Variants in ASIC1 observed in about 807,000 individuals in gnomAD.
ASIC1 encodes acid sensing ion channel subunit 1.
ASIC1 carries 21 observed loss-of-function variants against 63.4 expected under a neutral mutation model. That is an observed-to-expected ratio of 0.33 (90% CI 0.23 to 0.48). ASIC1 has a LOEUF of 0.48. Among genes scored for constraint, ASIC1 ranks in the 20% least tolerant of loss-of-function variants. ASIC1 has a pLI of 0.99. For synonymous variants in ASIC1, 258 were observed against 278.2 expected, an observed-to-expected ratio of 0.93 and a Z score of 0.72; for missense variants, 478 against 695.5, an observed-to-expected ratio of 0.69 and a Z score of 3.52.
At chr12:50,073,089 G>C (rs1950615629) in intron 3 of ASIC1, among the ~76,000 whole-genome samples, 1 of 152,156 alleles carries the variant, frequency 6.6e-6, no homozygotes, top group South Asian at 2.1e-4. Context: ...GGATGACAGA[G>C]AGCATGAGTG....
intron 3 of ASIC1, among the ~76,000 whole-genome samples, chr12:50,064,290 T>C (rs484951): frequency 0.94 from 142,481 of 152,176 alleles, 66,965 homozygotes; most frequent in Non-Finnish European, 0.98. Flanking sequence ...AGAGAGGAGA[T>C]GGGAGCAGAG....
In ASIC1 at chr12:50,074,492, G is replaced by T. The variant is rs971907535; in HGVS notation, c.559-2721G>T. Among the ~76,000 whole-genome samples, 3 of 152,174 alleles carry T rather than the reference G, an allele frequency of 2.0e-5. No homozygotes were observed. Among genetic ancestry groups the T allele is most frequent in the Non-Finnish European group, 4.4e-5 (3 of 68,032 alleles). On this transcript the variant is annotated intron_variant, in intron 3 of 11. Transcript: ENST00000447966. This position sits in a 1 kb window ranked among gnomAD's most constrained non-coding sequence, Gnocchi z 4.2. ...ATCTTGAAACACGTCTGTCTTAGTT[G>T]GTATTTTGCTGCTGCCTCCCAACAT...
intron 3 of ASIC1, among the ~76,000 whole-genome samples, chr12:50,066,824 C>G (rs1950549446): frequency 6.6e-6 from 1 of 152,192 alleles, no homozygotes; most frequent in African/African-American, 2.4e-5. Context: ...AAGCCTCAGA[C>G]AAGATCTTGT....
chr12:50,078,391 A>G lies in ASIC1; in HGVS notation c.838-30A>G. 1.2e-6 allele frequency: 2 copies of G among 1,611,494 alleles called. No homozygotes were observed. Among genetic ancestry groups the G allele is most frequent in the Non-Finnish European group, 1.7e-6 (2 of 1,178,764 alleles). On this transcript the variant is annotated intron_variant, in intron 5 of 11. Coordinates refer to ENST00000447966, the MANE Select transcript of ASIC1 (RefSeq NM_001095.4). This position sits in a 1 kb window ranked among gnomAD's most constrained non-coding sequence, Gnocchi z 6.0. Reference sequence around the variant, plus strand: ...AGCTGATTTGGGGAGAAGTCCCCGCACTCCCCCAGCTCCCCGGCTCTCCCA... The same window carrying G: ...AGCTGATTTGGGGAGAAGTCCCCGCGCTCCCCCAGCTCCCCGGCTCTCCCA...
rs567076897 is a variant in ASIC1 at position 50,074,624 on chromosome 12, T to A, written c.559-2589T>A. On this transcript the variant is annotated intron_variant, in intron 3 of 11. Transcript: ENST00000447966. The surrounding 1 kb of genome is among the most constrained non-coding windows in gnomAD (Gnocchi z 4.2). ...CCTTTGATCTGTTGGTGGACGCCAG[T>A]GCCTGGCCAGTTGTTCACTATTTTG... Among the ~76,000 whole-genome samples the A allele has an allele frequency of 2.0e-5, 3 of 152,266 alleles. No individual in the cohort carries two copies. In the South Asian group the frequency reaches 6.2e-4, roughly 32 times the overall value.
chr12:50,058,980 C>T lies in ASIC1; in HGVS notation c.214C>T (p.His72Tyr). 1 of 1,614,192 alleles carries T rather than the reference C, an allele frequency of 6.2e-7. No homozygotes were observed. Among genetic ancestry groups the T allele is most frequent in the Non-Finnish European group, 8.5e-7 (1 of 1,180,028 alleles). Reference sequence around the variant, plus strand: ...GCGTGTGCAGTACTACTTCCACTACCACCATGTCACCAAGCTCGACGAGGT... The same window carrying T: ...GCGTGTGCAGTACTACTTCCACTACTACCATGTCACCAAGCTCGACGAGGT... ...TERVQYYFHY[H>Y]HVTKLDEVAA... Residue 72 changes from histidine (H) to tyrosine (Y), a missense_variant, in exon 2 of 12, where the codon CAC (histidine) becomes TAC (tyrosine). Around this residue, in one of 3 missense-constraint regions of ASIC1, gnomAD observed 290 missense variants for 414.9 expected, o/e 0.70. Coordinates refer to ENST00000447966, the MANE Select transcript of ASIC1 (RefSeq NM_001095.4).
At position 50,079,925 on chromosome 12, in the gene ASIC1, G is replaced by A; in HGVS notation, c.1075G>A (p.Glu359Lys). 6.2e-7 allele frequency: 1 copy of A among 1,612,284 alleles called. No homozygotes were observed. Among genetic ancestry groups the A allele is most frequent in the South Asian group, 1.1e-5 (1 of 90,820 alleles). The change falls in exon 8 of 12, where the codon GAG becomes AAG. Residue 359 changes from glutamate to lysine, a missense_variant. Physicochemically the swap from Glu to Lys is moderately conservative, Grantham distance 56 (BLOSUM62 1). This residue lies in a region of ASIC1 where 84 missense variants were observed against 183.5 expected (regional missense o/e 0.46). Coordinates refer to ENST00000447966, the MANE Select transcript of ASIC1 (RefSeq NM_001095.4). ...AGACTTCCTGGTGGAGAAGGACCAG[G>A]AGTACTGCGTGTGTGAAATGCCTTG... ...ALDFLVEKDQ[E>K]YCVCEMPCNL...
chr12:50,068,500 A>G, intron 3 of ASIC1, among the ~76,000 whole-genome samples: 1 of 151,644 alleles, frequency 6.6e-6, no homozygotes, highest in Non-Finnish European at 1.5e-5. Flanking sequence ...ATTCTTGGGC[A>G]GTCTCATCTT....
At chr12:50,077,676 G>T (rs1950670775) in intron 4 of ASIC1, among the ~76,000 whole-genome samples, 1 of 152,116 alleles carries the variant, frequency 6.6e-6, no homozygotes. Context: ...GGCAGAGAGA[G>T]ATGGGGGAAA....
intron 3 of ASIC1, among the ~76,000 whole-genome samples, chr12:50,063,071 C>T (rs528044960): frequency 1.3e-5 from 2 of 152,328 alleles, no homozygotes; most frequent in African/African-American, 4.8e-5. Flanking sequence ...ACCACAAGGC[C>T]CCCTCTTCCC....
intron 3 of ASIC1, among the ~76,000 whole-genome samples, chr12:50,071,570 C>A (rs903466957): frequency 1.3e-5 from 2 of 152,110 alleles, no homozygotes; most frequent in African/African-American, 2.4e-5. Context: ...GCGTGAGCCA[C>A]CACGCCTGGC....
intron 3 of ASIC1, among the ~76,000 whole-genome samples, chr12:50,071,636 G>T (rs564044583): frequency 1.3e-5 from 2 of 151,624 alleles, no homozygotes; most frequent in South Asian, 2.1e-4. Flanking sequence ...GGAGGCAGTG[G>T]GGAGTGAGAG....
chr12:50,075,449 C>T (rs1451913372), intron 3 of ASIC1, among the ~76,000 whole-genome samples: 2 of 152,232 alleles, frequency 1.3e-5, no homozygotes, highest in Non-Finnish European at 2.9e-5. Context: ...TAATCCCATA[C>T]AACTCCGGAT....
In ASIC1 at chr12:50,081,152, G is replaced by A. The variant is rs766297074; in HGVS notation, c.1348G>A (p.Val450Met). ...GLFIGASILT[V>M]LELFDYAYEV... ...GTTCATCGGGGCCAGCATCCTCACG[G>A]TGCTGGAGCTCTTTGACTACGCCTA... The change falls in exon 10 of 12, where the codon GTG (valine) becomes ATG (methionine). Residue 450 changes from valine (V) to methionine (M), a missense_variant. By Grantham distance (21) the Val-to-Met change is conservative. Around this residue, in one of 3 missense-constraint regions of ASIC1, gnomAD observed 84 missense variants for 183.5 expected, o/e 0.46. Transcript: ENST00000447966. The A allele has an allele frequency of 6.2e-7, 1 of 1,612,598 alleles. No individual in the cohort carries two copies. The highest frequency in any genetic ancestry group is 1.1e-5 in the South Asian group (1 of 90,672).
rs1950720981 is a variant in ASIC1 at position 50,081,615 on chromosome 12, C to T, written c.1553C>T (p.Pro518Leu). The change falls in exon 12 of 12, where the codon CCG (proline) becomes CTG (leucine). Residue 518 changes from proline to leucine, a missense_variant. This residue lies in a region of ASIC1 where 104 missense variants were observed against 97.0 expected (regional missense o/e 1.07). Coordinates refer to ENST00000447966, the MANE Select transcript of ASIC1 (RefSeq NM_001095.4). Reference sequence around the variant, plus strand: ...GCTGCCAACATCCTACCTCACCATCCGGCCCGAGGCACGTTCGAGGACTTT... The same window carrying T: ...GCTGCCAACATCCTACCTCACCATCTGGCCCGAGGCACGTTCGAGGACTTT... ...TYAANILPHH[P>L]ARGTFEDFTC 2 of 1,614,032 alleles carry T rather than the reference C, an allele frequency of 1.2e-6. No individual in the cohort carries two copies. The highest frequency in any genetic ancestry group is 1.7e-6 in the Non-Finnish European group (2 of 1,180,044).
Position 50,078,415 on chromosome 12 carries a change from C to T in ASIC1, c.838-6C>T. On this transcript the variant is annotated splice_region_variant and splice_polypyrimidine_tract_variant and intron_variant, in intron 5 of 11. Transcript: ENST00000447966. This position sits in a 1 kb window ranked among gnomAD's most constrained non-coding sequence, Gnocchi z 6.0. ...CACTCCCCCAGCTCCCCGGCTCTCC[C>T]AGCAGCTCATCTACCTGCCCCCACC... 1.9e-6 allele frequency: 3 copies of T among 1,613,836 alleles called. No individual in the cohort carries two copies. Among genetic ancestry groups the T allele is most frequent in the Non-Finnish European group, 2.5e-6 (3 of 1,179,864 alleles).
In ASIC1 at chr12:50,077,239, C is replaced by A; in HGVS notation, c.585C>A (p.Tyr195Ter). Residue 195 changes from tyrosine (Y) to a stop codon, truncating the protein, a stop_gained, in exon 4 of 12, where the codon TAC (tyrosine) becomes TAA (stop). Transcript: ENST00000447966. LOFTEE classifies it high-confidence loss of function. ...KVVFTRYGKC[Y>*]TFNSGRDGRP... Reference sequence around the variant, plus strand: ...TCTTCACACGCTATGGAAAGTGCTACACGTTCAACTCGGGCCGAGATGGGC... The same window carrying A: ...TCTTCACACGCTATGGAAAGTGCTAAACGTTCAACTCGGGCCGAGATGGGC... The A allele has an allele frequency of 6.2e-7, 1 of 1,612,750 alleles. No individual in the cohort carries two copies. The highest frequency in any genetic ancestry group is 8.5e-7 in the Non-Finnish European group (1 of 1,179,314).
At chr12:50,062,282 C>G (rs1206031404) in intron 3 of ASIC1, among the ~76,000 whole-genome samples, 1 of 152,244 alleles carries the variant, frequency 6.6e-6, no homozygotes, top group East Asian at 1.9e-4. Flanking sequence ...TCTCCCTTCT[C>G]TCCTCAGTCT....
intron 3 of ASIC1, among the ~76,000 whole-genome samples, chr12:50,062,689 G>A (rs1280551103): frequency 6.6e-6 from 1 of 152,210 alleles, no homozygotes; most frequent in East Asian, 1.9e-4. Flanking sequence ...TAAGAACCCT[G>A]TTTCTCAAGG....
Sources: gnomAD v4.1 joint callset for allele counts (sites outside exome capture counted in the v4.1 genomes callset) on GRCh38, gnomAD v4.1.1 for gene constraint, gnomAD v4.1.1 regional missense constraint, Gnocchi (gnomAD v3.1) non-coding constraint, MANE v1.5 for transcripts, NCBI Gene and HGNC (gene_info 2026-07-23, HGNC 2026-07-21) for gene names.